ARG2: variants seen among roughly 807,000 people sequenced by gnomAD.
The protein encoded by ARG2 is arginase 2, also known as arginase-2, mitochondrial.
Under a neutral mutation model 39.4 loss-of-function variants are expected in ARG2, and 21 were observed. That is an observed-to-expected ratio of 0.53 (90% CI 0.38 to 0.77). The LOEUF (loss-of-function observed/expected upper bound fraction) is 0.77. ARG2 is among the 30% of genes least tolerant of loss of function. ARG2 has a pLI of 0.00. For synonymous variants in ARG2, 150 were observed against 156.7 expected (o/e 0.96, Z 0.32); for missense variants, 378 against 426.2 (o/e 0.89, Z 1.00).
intron 2 of ARG2, among the ~76,000 whole-genome samples, chr14:67,631,358 T>A (rs756573902): frequency 3.3e-5 from 5 of 152,154 alleles, no homozygotes; most frequent in Non-Finnish European, 5.9e-5. Context: ...ACCACTAATC[T>A]TTCTTTATTG....
intron 2 of ARG2, among the ~76,000 whole-genome samples, chr14:67,621,417 A>C (rs745576807): frequency 1.7e-4 from 26 of 152,044 alleles, no homozygotes; most frequent in Non-Finnish European, 2.9e-4. Flanking sequence ...CTGATCTTAT[A>C]TAGAACTAAT....
At chr14:67,627,513 A>G (rs2036880567) in intron 2 of ARG2, among the ~76,000 whole-genome samples, 3 of 152,132 alleles carry the variant, frequency 2.0e-5, no homozygotes, top group Admixed American at 2.0e-4. Context: ...CCTTTTGAAC[A>G]GTGTCATATC....
chr14:67,621,325 C>T (rs537214914), intron 2 of ARG2, among the ~76,000 whole-genome samples: 1 of 152,256 alleles, frequency 6.6e-6, no homozygotes, highest in South Asian at 2.1e-4. Context: ...TCAGTCTCGC[C>T]AGTTTTCTGT....
In ARG2 at chr14:67,650,779, G is replaced by A. The variant is rs45584632; in HGVS notation, c.924G>A (p.Ala308=). 1.9e-3 allele frequency: 2,996 copies of A among 1,614,122 alleles called. 7 individuals are homozygous for A. The highest frequency in any genetic ancestry group is 6.6e-3 in the Middle Eastern group (40 of 6,056). The change falls in exon 8 of 8, where the codon GCG becomes GCA. Residue 308 remains alanine, a synonymous_variant. Transcript: ENST00000261783. ...AGTTGGCCACCTCAGAGGAAGAGGC[G>A]AAGACTACAGCTAACCTGGCAGTAG... ...NPQLATSEEE[A]KTTANLAVDV... is the part of the protein sequence containing the mutation.
rs1171037489 is a variant in ARG2, at chr14:67,620,002, C to T, written c.25C>T (p.Arg9Cys). ...CATGTCCCTAAGGGGCAGCCTCTCG[C>T]GTCTCCTCCAGACGCGAGTGCATTC... Reference protein sequence around the residue: MSLRGSLSRLLQTRVHSIL... With the variant: MSLRGSLSCLLQTRVHSIL... The change falls in exon 1 of 8, where the codon CGT (arginine) becomes TGT (cysteine). Residue 9 changes from arginine (R) to cysteine (C), a missense_variant. Transcript: ENST00000261783. 2.5e-6 allele frequency: 4 copies of T among 1,608,202 alleles called. No homozygotes were observed. Among genetic ancestry groups the T allele is most frequent in the South Asian group, 1.1e-5 (1 of 90,320 alleles).
At chr14:67,623,056 C>A (rs943319989) in intron 2 of ARG2, among the ~76,000 whole-genome samples, 2 of 152,154 alleles carry the variant, frequency 1.3e-5, no homozygotes, top group African/African-American at 4.8e-5. Flanking sequence ...TATGGCCTTC[C>A]CTTTGACTTT....
At chr14:67,647,335 G>A (rs1594830479) in intron 6 of ARG2, 1 of 237,096 alleles carries the variant, frequency 4.2e-6, no homozygotes, top group Non-Finnish European at 8.1e-6. Flanking sequence ...CCAGCCTCAC[G>A]ATTGTTTCAT....
chr14:67,644,215 CAAG>C (rs536355382), intron 3 of ARG2, among the ~76,000 whole-genome samples: 12 of 152,314 alleles, frequency 7.9e-5, no homozygotes, highest in African/African-American at 2.6e-4. Context: ...TGAACATTTT[CAAG>C]AAGAGCCATT....
chr14:67,650,566 G>C, intron 7 of ARG2, 149 bp from the exon 8 acceptor site: 1 of 665,016 alleles, frequency 1.5e-6, no homozygotes, highest in East Asian at 2.7e-5. Flanking sequence ...AGAGGATGAG[G>C]TGCAAGGGGC....
In ARG2 at chr14:67,619,984, C is replaced by A; in HGVS notation, c.7C>A (p.Leu3Ile). 2 of 1,601,906 alleles carry A rather than the reference C, an allele frequency of 1.2e-6. No individual in the cohort carries two copies. Residue 3 changes from leucine to isoleucine, a missense_variant, in exon 1 of 8, where the codon CTA (leucine) becomes ATA (isoleucine). Physicochemically the swap from Leu to Ile is conservative, Grantham distance 5 (BLOSUM62 2). Coordinates refer to ENST00000261783, the MANE Select transcript of ARG2 (RefSeq NM_001172.4). MSLRGSLSRLLQT... is the reference protein window; with the variant it reads MSIRGSLSRLLQT... Reference sequence around the variant, plus strand: ...ATTCTCAGTGCTGCGGATCATGTCCCTAAGGGGCAGCCTCTCGCGTCTCCT... The same window carrying A: ...ATTCTCAGTGCTGCGGATCATGTCCATAAGGGGCAGCCTCTCGCGTCTCCT...
chr14:67,632,562 G>T (rs2036928677), intron 2 of ARG2, among the ~76,000 whole-genome samples: 1 of 152,110 alleles, frequency 6.6e-6, no homozygotes. Context: ...GTACCCAGGG[G>T]AGTTAGGCTC....
chr14:67,620,446 C>G (rs988033522), intron 1 of ARG2, among the ~76,000 whole-genome samples: 1 of 151,912 alleles, frequency 6.6e-6, no homozygotes, highest in African/African-American at 2.4e-5. Context: ...GGTCAGAATC[C>G]CCAGTGGAGA....
intron 2 of ARG2, among the ~76,000 whole-genome samples, chr14:67,638,596 G>A (rs2036996978): frequency 6.6e-6 from 1 of 152,046 alleles, no homozygotes; most frequent in African/African-American, 2.4e-5. Flanking sequence ...TCCTTACCTG[G>A]CACTGAAACT....
intron 2 of ARG2, among the ~76,000 whole-genome samples, chr14:67,633,857 C>T (rs2036943777): frequency 6.6e-6 from 1 of 152,212 alleles, no homozygotes; most frequent in South Asian, 2.1e-4. Flanking sequence ...TTATTCCTGG[C>T]TAATGTCTTC....
chr14:67,644,630 T>A (rs1332327382), intron 3 of ARG2, among the ~76,000 whole-genome samples: 1 of 152,172 alleles, frequency 6.6e-6, no homozygotes, highest in Non-Finnish European at 1.5e-5. Flanking sequence ...ATTCTTAGAA[T>A]TGAGACAGAA....
chr14:67,650,580 C>G (rs1336146861), intron 7 of ARG2, 135 bp from the exon 8 acceptor site: 8 of 740,092 alleles, frequency 1.1e-5, no homozygotes, highest in Non-Finnish European at 1.6e-5. Context: ...AAGGGGCTTC[C>G]TAAAAATAGG....
chr14:67,642,750 A>G (rs555419674), intron 3 of ARG2, among the ~76,000 whole-genome samples: 44 of 149,812 alleles, frequency 2.9e-4, no homozygotes, highest in African/African-American at 1.1e-3. Context: ...CATTTCTGCT[A>G]ATAGACCTGT....
chr14:67,642,166 C>T lies in ARG2; in HGVS notation c.185-20C>T. 6.2e-7 allele frequency: 1 copy of T among 1,610,372 alleles called. No homozygotes were observed. The highest frequency in any genetic ancestry group is 8.5e-7 in the Non-Finnish European group (1 of 1,177,014). On this transcript the variant is annotated intron_variant, in intron 2 of 7. Transcript: ENST00000261783. ...AGATAGCACAGAAAATTCATCTTGT[C>T]ATCCCTCATTTGCTTCCAGGCTGCC...
chr14:67,638,424 G>A (rs548626715), intron 2 of ARG2, among the ~76,000 whole-genome samples: 53 of 152,128 alleles, frequency 3.5e-4, no homozygotes, highest in African/African-American at 1.2e-3. Context: ...AGTAAAACCC[G>A]GGCAGTAGGT....
Sources: allele counts gnomAD v4.1 joint callset (sites outside exome capture counted in the v4.1 genomes callset), GRCh38; gene constraint gnomAD v4.1.1; transcripts MANE v1.5; gene names NCBI Gene and HGNC (gene_info 2026-07-23, HGNC 2026-07-21).